YAP1: variants seen among roughly 807,000 people sequenced by gnomAD.
The protein encoded by YAP1 is Yes1 associated transcriptional regulator, also known as transcriptional coactivator YAP1.
YAP1 carries 5 observed loss-of-function variants against 56.9 expected under a neutral mutation model. The ratio of observed to expected loss-of-function variants is 0.09; its 90% CI spans 0.05 to 0.18. The LOEUF (loss-of-function observed/expected upper bound fraction) is 0.18, where lower values mean the gene tolerates loss of function less well. Among genes scored for constraint, YAP1 ranks in the 10% least tolerant of loss-of-function variants. The probability of loss-of-function intolerance (pLI) is 1.00; values close to 1 mark genes in which losing one functional copy is unlikely to be tolerated. For missense variants in YAP1, 539 were observed against 651.8 expected (o/e 0.83, Z 1.88); for synonymous variants, 265 against 248.1 (o/e 1.07, Z -0.64).
rs61746398 is a variant in YAP1, at chr11:102,205,922, C to T, written c.832C>T (p.Pro278Ser). 8.4e-4 allele frequency: 1,341 copies of T among 1,601,064 alleles called. No homozygotes were observed. The highest frequency in any genetic ancestry group is 1.2e-3 in the Admixed American group (70 of 58,880). The change falls in exon 5 of 9, where the codon CCA becomes TCA. Residue 278 changes from proline (P) to serine (S), a missense_variant. Around this residue, in one of 4 missense-constraint regions of YAP1, gnomAD observed 414 missense variants for 512.4 expected, o/e 0.81. Transcript: ENST00000282441. ...GAACCAGAGAATCAGTCAGAGTGCT[C>T]CAGTGAAACAGCCACCACCCCTGGC... is the stretch of plus-strand genomic sequence containing the variant. ...AMNQRISQSA[P>S]VKQPPPLAPQ...
chr11:102,124,937 A>G (rs575638231), intron 2 of YAP1, among the ~76,000 whole-genome samples: 3 of 151,988 alleles, frequency 2.0e-5, no homozygotes, highest in South Asian at 2.1e-4. Flanking sequence ...GGGTTTCACC[A>G]TGTTTCCCAT....
chr11:102,131,571 T>G (rs1944369218), intron 2 of YAP1, among the ~76,000 whole-genome samples: 1 of 152,208 alleles, frequency 6.6e-6, no homozygotes, highest in South Asian at 2.1e-4. Context: ...TGACATGCTA[T>G]AGAGTGCTCA....
rs960373420 is a variant in YAP1, at chr11:102,191,219, C to T, written c.802+5088C>T. Among the ~76,000 whole-genome samples the T allele has an allele frequency of 2.0e-5, 3 of 151,998 alleles. No homozygotes were observed. In the East Asian group the frequency reaches 5.8e-4, roughly 29 times the overall value. ...ACTGATAAAACTCACAAAATTTGGCCCTCATAATGAGTCCTCTAATCATCA... is the reference window on the plus strand; with the variant it reads ...ACTGATAAAACTCACAAAATTTGGCTCTCATAATGAGTCCTCTAATCATCA... On this transcript the variant is annotated intron_variant, in intron 4 of 8. Transcript: ENST00000282441.
In YAP1 at chr11:102,230,116, T is replaced by C; in HGVS notation, c.*176T>C. 1.7e-6 allele frequency: 1 copy of C among 593,528 alleles called. No individual in the cohort carries two copies. Among genetic ancestry groups the C allele is most frequent in the Non-Finnish European group, 3.0e-6 (1 of 337,256 alleles). 36.8% of individuals were successfully genotyped at this position (593,528 alleles called of 1,614,324 possible). A position where few individuals can be genotyped will look rare whatever the true frequency, so the allele number is the denominator to read the frequency against. ...TCCTTGTCCATTGCTGCTGTTAATG[T>C]ATTGCTGACCTCTTTCACAGTTGGC... On this transcript the variant is annotated 3_prime_UTR_variant, in exon 9 of 9. Coordinates refer to ENST00000282441, the MANE Select transcript of YAP1 (RefSeq NM_001130145.3).
chr11:102,136,174 T>G (rs1376134178), intron 2 of YAP1, among the ~76,000 whole-genome samples: 2 of 152,196 alleles, frequency 1.3e-5, no homozygotes, highest in East Asian at 3.8e-4. Flanking sequence ...CATTGCTTGA[T>G]CACCATTGGA....
chr11:102,225,045 G>A (rs969503625), intron 7 of YAP1, among the ~76,000 whole-genome samples: 5 of 152,154 alleles, frequency 3.3e-5, no homozygotes, highest in African/African-American at 1.2e-4. Flanking sequence ...GCTACAATTT[G>A]AGATTCTATT....
chr11:102,232,016 A>G lies in YAP1; in HGVS notation c.*2076A>G, dbSNP rs1242446574. On this transcript the variant is annotated 3_prime_UTR_variant, in exon 9 of 9. Coordinates refer to ENST00000282441, the MANE Select transcript of YAP1 (RefSeq NM_001130145.3). ...ATTGACTCTAAGGCTTTTATTAAGA[A>G]AACAGCAGAAAGATTAAATCTTGAA... The G allele has an allele frequency of 6.6e-6, 1 of 152,636 alleles. No homozygotes were observed. The highest frequency in any genetic ancestry group is 6.5e-5 in the Admixed American group (1 of 15,272). The allele number at this position is 152,636 out of a possible 1,614,324, so 9.5% of individuals were successfully genotyped here.
chr11:102,190,363 G>T (rs1310131521), intron 4 of YAP1, among the ~76,000 whole-genome samples: 1 of 152,226 alleles, frequency 6.6e-6, no homozygotes, highest in Non-Finnish European at 1.5e-5. Flanking sequence ...AGGTGCGGTG[G>T]CTCATGCCTG....
chr11:102,195,087 T>A (rs1439804976), intron 4 of YAP1, among the ~76,000 whole-genome samples: 3 of 152,150 alleles, frequency 2.0e-5, no homozygotes, highest in Admixed American at 1.3e-4. Flanking sequence ...ATCTGAACTT[T>A]CTTTCCTAAC....
intron 2 of YAP1, among the ~76,000 whole-genome samples, chr11:102,128,458 G>A (rs1262207567): frequency 6.6e-6 from 1 of 152,106 alleles, no homozygotes; most frequent in East Asian, 1.9e-4. Flanking sequence ...CTTCCACCAT[G>A]ATCCTGAGGC....
At chr11:102,208,882 TG>T (rs1185551410) in intron 5 of YAP1, among the ~76,000 whole-genome samples, 1 of 152,226 alleles carries the variant, frequency 6.6e-6, no homozygotes, top group Non-Finnish European at 1.5e-5. Context: ...TAGATCATCC[TG>T]GGGTTTTTTG....
chr11:102,125,033 T>TA (rs1943943872), intron 2 of YAP1, among the ~76,000 whole-genome samples: 1 of 151,928 alleles, frequency 6.6e-6, no homozygotes, highest in African/African-American at 2.4e-5. Flanking sequence ...CCACCGTGCC[T>TA]AGCCAGATTT....
At chr11:102,121,164 G>A (rs1490540928) in intron 2 of YAP1, among the ~76,000 whole-genome samples, 4 of 152,252 alleles carry the variant, frequency 2.6e-5, no homozygotes, top group Non-Finnish European at 5.9e-5. Context: ...ATGGCCAGCC[G>A]TCGTAGCTCA....
chr11:102,206,112 G>T, intron 5 of YAP1, 38 bp downstream of exon 5: 1 of 1,579,006 alleles, frequency 6.3e-7, no homozygotes, highest in Non-Finnish European at 8.6e-7. Context: ...TCCACTTTTG[G>T]GGGTTTGTTT....
intron 2 of YAP1, among the ~76,000 whole-genome samples, chr11:102,124,728 T>C (rs1013098796): frequency 2.6e-5 from 4 of 152,152 alleles, no homozygotes; most frequent in Admixed American, 1.3e-4. Context: ...GATTTTGTTT[T>C]CTTTTGTTTC....
chr11:102,142,005 C>CTATA (rs1014726266), intron 2 of YAP1, among the ~76,000 whole-genome samples: 1 of 152,110 alleles, frequency 6.6e-6, no homozygotes, highest in African/African-American at 2.4e-5. Flanking sequence ...ATTCTCAAGT[C>CTATA]TATATATATT....
chr11:102,141,308 G>A (rs565528633), intron 2 of YAP1, among the ~76,000 whole-genome samples: 2 of 152,280 alleles, frequency 1.3e-5, no homozygotes, highest in African/African-American at 4.8e-5. Context: ...AACTATTTTC[G>A]TGTTCCCAGT....
intron 4 of YAP1, chr11:102,186,525 G>C (rs946055965): frequency 4.1e-6 from 1 of 246,660 alleles, no homozygotes. Flanking sequence ...ATGTCTGCTT[G>C]TGCTTAGGTT....
At chr11:102,201,295 A>G (rs1363490108) in intron 4 of YAP1, among the ~76,000 whole-genome samples, 1 of 152,218 alleles carries the variant, frequency 6.6e-6, no homozygotes, top group East Asian at 1.9e-4. Flanking sequence ...GGAAGTATGC[A>G]TAGTATGCTA....
Sources: gnomAD v4.1 joint callset for allele counts (sites outside exome capture counted in the v4.1 genomes callset) on GRCh38, gnomAD v4.1.1 for gene constraint, gnomAD v4.1.1 regional missense constraint, MANE v1.5 for transcripts, NCBI Gene and HGNC (gene_info 2026-07-23, HGNC 2026-07-21) for gene names.